Variants in AMTN observed in about 807,000 individuals in gnomAD.
The protein encoded by AMTN is RSTI689.
AMTN carries 29 observed loss-of-function variants against 27.4 expected under a neutral mutation model. The ratio of observed to expected loss-of-function variants is 1.06; its 90% CI spans 0.79 to 1.44. AMTN has a LOEUF of 1.44. Ranked by LOEUF, AMTN falls within the 40% of genes most tolerant of loss-of-function variation. The pLI is 0.00. For missense variants in AMTN, 247 were observed against 248.8 expected (o/e 0.99, Z 0.05); for synonymous variants, 86 against 95.7 (o/e 0.90, Z 0.59).
chr4:70,531,326 C>A, intron 8 of AMTN, 26 bp downstream of exon 8: 2 of 1,611,320 alleles, frequency 1.2e-6, no homozygotes, highest in Non-Finnish European at 1.7e-6. Context: ...TTGGAACATG[C>A]TTCTTGGCTA....
At chr4:70,519,914 G>A (rs1014998592) in intron 2 of AMTN, among the ~76,000 whole-genome samples, 23 of 61,072 alleles carry the variant, frequency 3.8e-4, no homozygotes, top group African/African-American at 9.4e-4. Flanking sequence ...TACTACATAC[G>A]TGTGTGTGTG....
At position 70,518,795 on chromosome 4, in the gene AMTN, A is replaced by G. The variant is rs1735878252; in HGVS notation, c.18A>G (p.Leu6=). The part of the protein sequence containing the change: MRSTI[L]LFCLLGSTRS... ...TCTGAAACATGAGGAGTACGATTCT[A>G]CTGTTTTGTCTTCTAGGATCAACTC... The change falls in exon 2 of 9, where the codon CTA becomes CTG. Residue 6 remains leucine, a synonymous_variant. Coordinates refer to ENST00000339336, the MANE Select transcript of AMTN (RefSeq NM_212557.4). 2 of 1,608,306 alleles carry G rather than the reference A, an allele frequency of 1.2e-6. No homozygotes were observed. Among genetic ancestry groups the G allele is most frequent in the African/African-American group, 2.7e-5 (2 of 74,812 alleles).
chr4:70,522,492 G>T (rs1735995569), intron 2 of AMTN, among the ~76,000 whole-genome samples: 1 of 152,136 alleles, frequency 6.6e-6, no homozygotes, highest in South Asian at 2.1e-4. Context: ...AGAAATGGGA[G>T]CCAGGAACCA....
chr4:70,523,727 G>A (rs891150811), intron 3 of AMTN, 141 bp from the exon 4 acceptor site: 44 of 690,630 alleles, frequency 6.4e-5, no homozygotes, highest in Non-Finnish European at 1.1e-4. Flanking sequence ...CTAGTGAGAG[G>A]CCCCGAGGCT....
At chr4:70,522,679 G>T in intron 2 of AMTN, 76 bp from the exon 3 acceptor site, 2 of 1,404,352 alleles carry the variant, frequency 1.4e-6, no homozygotes, top group Admixed American at 1.7e-5. Flanking sequence ...TGCATTGGTG[G>T]CAACCTGGAT....
At chr4:70,527,906 T>C (rs1736132888) in intron 5 of AMTN, among the ~76,000 whole-genome samples, 1 of 152,174 alleles carries the variant, frequency 6.6e-6, no homozygotes, top group African/African-American at 2.4e-5. Flanking sequence ...TCTCGCCTAG[T>C]ACTAAGAGCT....
At chr4:70,523,755 C>A in intron 3 of AMTN, 113 bp from the exon 4 acceptor site, 1 of 900,764 alleles carries the variant, frequency 1.1e-6, no homozygotes, top group Non-Finnish European at 1.8e-6. Flanking sequence ...TATTTACCTT[C>A]ATGGTAAACC....
Position 70,531,140 on chromosome 4 carries a change from T to C in AMTN, c.459T>C (p.Leu153=). 6.2e-7 allele frequency: 1 copy of C among 1,614,014 alleles called. No individual in the cohort carries two copies. The highest frequency in any genetic ancestry group is 2.2e-5 in the East Asian group (1 of 44,830). ...ATCCAGATGTCCAGGATGGAAGCCTTCCAGCAGGAGGAGCAGGTGTAAATC... is the reference window on the plus strand; with the variant it reads ...ATCCAGATGTCCAGGATGGAAGCCTCCCAGCAGGAGGAGCAGGTGTAAATC... The part of the protein sequence containing the change: ...GANPDVQDGS[L]PAGGAGVNPA... Residue 153 remains leucine (L), a synonymous_variant, in exon 8 of 9, where the codon CTT becomes CTC. Transcript: ENST00000339336.
chr4:70,521,452 G>T (rs1735964860), intron 2 of AMTN, among the ~76,000 whole-genome samples: 1 of 147,732 alleles, frequency 6.8e-6, no homozygotes. Flanking sequence ...ACTGAGAAAA[G>T]AAGCAACAAG....
In AMTN at chr4:70,529,212, T is replaced by TA. The variant is rs750310662; in HGVS notation, c.357+10dup. On this transcript the variant is annotated splice_region_variant and intron_variant, in intron 7 of 8. Coordinates refer to ENST00000339336, the MANE Select transcript of AMTN (RefSeq NM_212557.4). ...ACTATCCTAAGCTCAGAGGAATTGG[T>TA]AAAAAAAATAAAAATACTATTTCAA... is the stretch of plus-strand genomic sequence containing the variant. 1.8e-4 allele frequency: 279 copies of TA among 1,536,024 alleles called. No homozygotes were observed. The highest frequency in any genetic ancestry group is 2.0e-4 in the Admixed American group (9 of 44,836).
chr4:70,522,009 G>A (rs28637575), intron 2 of AMTN, among the ~76,000 whole-genome samples: 67,767 of 152,010 alleles, frequency 0.45, 15,889 homozygotes, highest in Admixed American at 0.52. Flanking sequence ...AAGGGCTGGT[G>A]CAGAGCCAGA....
At chr4:70,525,251 G>C (rs1024371456) in intron 5 of AMTN, among the ~76,000 whole-genome samples, 2 of 152,152 alleles carry the variant, frequency 1.3e-5, no homozygotes, top group African/African-American at 4.8e-5. Flanking sequence ...TACATGGGGG[G>C]AAGTTGAGAG....
chr4:70,520,802 A>G (rs1019354220), intron 2 of AMTN, among the ~76,000 whole-genome samples: 4 of 152,198 alleles, frequency 2.6e-5, no homozygotes, highest in Non-Finnish European at 5.9e-5. Flanking sequence ...CTGCATGTTC[A>G]GGACAGCAGT....
intron 7 of AMTN, 68 bp from the exon 8 acceptor site, chr4:70,530,971 T>C: frequency 6.4e-7 from 1 of 1,565,104 alleles, no homozygotes; most frequent in Non-Finnish European, 8.7e-7. Flanking sequence ...CCAAACTTGC[T>C]CCCCTTAAAA....
At chr4:70,522,140 C>T (rs949383735) in intron 2 of AMTN, among the ~76,000 whole-genome samples, 4 of 152,128 alleles carry the variant, frequency 2.6e-5, no homozygotes, top group Non-Finnish European at 5.9e-5. Flanking sequence ...AGCACTGGCT[C>T]TGCTGCTCAC....
intron 2 of AMTN, among the ~76,000 whole-genome samples, chr4:70,519,050 G>A (rs1048892008): frequency 1.3e-5 from 2 of 152,124 alleles, no homozygotes; most frequent in African/African-American, 2.4e-5. Context: ...CCACTCCATC[G>A]TGGTAAAAGG....
intron 8 of AMTN, among the ~76,000 whole-genome samples, chr4:70,531,804 A>C (rs976461612): frequency 6.6e-6 from 1 of 151,784 alleles, no homozygotes; most frequent in African/African-American, 2.4e-5. Flanking sequence ...GCGCCACCGC[A>C]CCTGACCATA....
rs199546051 is a variant in AMTN at position 70,518,857 on chromosome 4, T to C, written c.54+26T>C. On this transcript the variant is annotated intron_variant, in intron 2 of 8. Transcript: ENST00000339336. The stretch of plus-strand genomic sequence containing the variant: ...GTAAGTATGTTATGTTTGTTTTATA[T>C]GCCAGCCAGTTTCAACAGCATCTCT... 12 of 1,586,654 alleles carry C rather than the reference T, an allele frequency of 7.6e-6. No individual in the cohort carries two copies. In the Admixed American group the frequency reaches 1.3e-4, roughly 18 times the overall value.
At chr4:70,521,863 G>A (rs62324589) in intron 2 of AMTN, among the ~76,000 whole-genome samples, 67,765 of 151,682 alleles carry the variant, frequency 0.45, 15,903 homozygotes, top group Admixed American at 0.53. Flanking sequence ...CAAGTGGTCC[G>A]CCCGCCTTGG....
Sources: gnomAD v4.1 joint callset for allele counts (sites outside exome capture counted in the v4.1 genomes callset) on GRCh38, gnomAD v4.1.1 for gene constraint, MANE v1.5 for transcripts, NCBI Gene and HGNC (gene_info 2026-07-23, HGNC 2026-07-21) for gene names.